Variants in KCNMB1 observed in about 807,000 individuals in gnomAD.
KCNMB1 encodes the protein potassium calcium-activated channel subfamily M regulatory beta subunit 1.
In KCNMB1, 22 loss-of-function variants were observed where a neutral mutation model predicts 21.7. The observed-to-expected ratio is 1.01, with a 90% CI of 0.72 to 1.45. The LOEUF is 1.45. Among genes scored for constraint, KCNMB1 ranks in the 40% most tolerant of loss-of-function variants. KCNMB1 has a pLI of 0.00. For synonymous variants in KCNMB1, 114 were observed against 107.6 expected, an observed-to-expected ratio of 1.06 and a Z score of -0.37; for missense variants, 243 against 243.4, an observed-to-expected ratio of 1.00 and a Z score of 0.01.
rs992561509 is a variant in KCNMB1 at position 170,379,221 on chromosome 5, T to A, written c.307-248A>T. On this transcript the variant is annotated intron_variant, in intron 3 of 3. Transcript: ENST00000274629. ...AGGCTACACACCTGGGCGCAGGTCC[T>A]ACCTTGGAGTCCTGGCTCTGCTTGG... 5.9e-5 allele frequency among the ~76,000 whole-genome samples: 9 copies of A among 152,284 alleles called. No homozygotes were observed. In the East Asian group the frequency reaches 1.7e-3, roughly 30 times the overall value.
Position 170,377,837 on chromosome 5 carries a change from G to T in KCNMB1, c.*867C>A, listed in dbSNP as rs1180753882. ...TCCACCAGCCTCGGCCTCCCAAAGT[G>T]CTGGGATTACAGGAGTGAGCCACCG... On this transcript the variant is annotated 3_prime_UTR_variant, in exon 4 of 4. Transcript: ENST00000274629. 1 of 152,278 alleles carries T rather than the reference G, an allele frequency of 6.6e-6. No homozygotes were observed. The highest frequency in any genetic ancestry group is 1.5e-5 in the Non-Finnish European group (1 of 68,146). 9.4% of individuals were successfully genotyped at this position (152,278 alleles called of 1,614,324 possible).
At chr5:170,388,024 C>CCGA (rs1554088670) in intron 1 of KCNMB1, among the ~76,000 whole-genome samples, 3 of 152,120 alleles carry the variant, frequency 2.0e-5, no homozygotes, top group African/African-American at 7.2e-5. Flanking sequence ...ATCAGCCCCC[C>CCGA]CCAGCGCCCA....
At chr5:170,384,001 T>C in intron 2 of KCNMB1, 151 bp from the exon 3 acceptor site, 1 of 737,136 alleles carries the variant, frequency 1.4e-6, no homozygotes, top group Non-Finnish European at 2.2e-6. Context: ...TAAAGGCACA[T>C]GACCCCACAG....
chr5:170,377,016 C>T lies in KCNMB1; in HGVS notation c.*1688G>A, dbSNP rs1196910736. ...TTTTATAGATGAAAAAACTAAGAAT[C>T]AAAGAGATGAAATCGGGCAGAGTAG... On this transcript the variant is annotated 3_prime_UTR_variant, in exon 4 of 4. Coordinates refer to ENST00000274629, the MANE Select transcript of KCNMB1 (RefSeq NM_004137.4). The T allele has an allele frequency of 6.6e-6, 1 of 152,162 alleles. No homozygotes were observed. Among genetic ancestry groups the T allele is most frequent in the Non-Finnish European group, 1.5e-5 (1 of 68,028 alleles). 9.4% of individuals were successfully genotyped at this position (152,162 alleles called of 1,614,324 possible).
intron 3 of KCNMB1, among the ~76,000 whole-genome samples, chr5:170,382,490 A>G (rs1314999448): frequency 6.6e-6 from 1 of 152,040 alleles, no homozygotes; most frequent in Non-Finnish European, 1.5e-5. Context: ...CATACACCCC[A>G]TCATGGGTCA....
At chr5:170,387,720 A>G (rs1176159539) in intron 1 of KCNMB1, among the ~76,000 whole-genome samples, 1 of 152,132 alleles carries the variant, frequency 6.6e-6, no homozygotes, top group Non-Finnish European at 1.5e-5. Flanking sequence ...GGAATGGGAG[A>G]GCCCATGCCT....
At position 170,375,586 on chromosome 5, in the gene KCNMB1, G is replaced by C. The variant is rs1038715579; in HGVS notation, c.*3118C>G. On this transcript the variant is annotated 3_prime_UTR_variant, in exon 4 of 4. Transcript: ENST00000274629. ...CCCTCAGCCCTTCACAGCTGGCTCT[G>C]CCCCTCAGCCCTTCACAGCTGGCTC... The C allele has an allele frequency of 1.0e-5, 1 of 96,920 alleles. No homozygotes were observed. The highest frequency in any genetic ancestry group is 4.1e-5 in the African/African-American group (1 of 24,504). 6.0% of individuals were successfully genotyped at this position (96,920 alleles called of 1,614,324 possible). A position where few individuals can be genotyped will look rare whatever the true frequency, so the allele number is the denominator to read the frequency against.
intron 2 of KCNMB1, among the ~76,000 whole-genome samples, 182 bp downstream of exon 2, chr5:170,385,132 G>A (rs1000729329): frequency 3.3e-5 from 5 of 152,172 alleles, no homozygotes; most frequent in African/African-American, 9.7e-5. Flanking sequence ...TCAGACCAGT[G>A]GGGCTCAGTT....
rs750219436 is a variant in KCNMB1 at position 170,377,001 on chromosome 5, G to A, written c.*1703C>T. On this transcript the variant is annotated 3_prime_UTR_variant, in exon 4 of 4. Coordinates refer to ENST00000274629, the MANE Select transcript of KCNMB1 (RefSeq NM_004137.4). ...CAGAAAGAGTCCTTCTTTTATAGAT[G>A]AAAAAACTAAGAATCAAAGAGATGA... 1 of 152,150 alleles carries A rather than the reference G, an allele frequency of 6.6e-6. No individual in the cohort carries two copies. The highest frequency in any genetic ancestry group is 1.5e-5 in the Non-Finnish European group (1 of 68,026). 9.4% of individuals were successfully genotyped at this position (152,150 alleles called of 1,614,324 possible).
chr5:170,388,137 G>A (rs1464554836), intron 1 of KCNMB1, among the ~76,000 whole-genome samples: 4 of 152,224 alleles, frequency 2.6e-5, no homozygotes, highest in Non-Finnish European at 5.9e-5. Flanking sequence ...AGTTTTAGGA[G>A]CTCAGAAGGA....
chr5:170,383,649 G>A (rs750489787), intron 3 of KCNMB1, 30 bp downstream of exon 3: 2 of 1,612,398 alleles, frequency 1.2e-6, no homozygotes, highest in Non-Finnish European at 1.7e-6. Context: ...AGGGATAAAG[G>A]GATGTGTCCC....
rs1286999538 is a variant in KCNMB1, at chr5:170,385,373, C to T, written c.75G>A (p.Val25=). The T allele has an allele frequency of 7.4e-6, 12 of 1,614,128 alleles. No homozygotes were observed. The highest frequency in any genetic ancestry group is 1.7e-5 in the Admixed American group (1 of 60,034). The change falls in exon 2 of 4, where the codon GTG becomes GTA. Residue 25 remains valine (V), a synonymous_variant. Transcript: ENST00000274629. ...RALCLGVTMV[V]CAVITYYILV... ...GGATGTAGTAGGTGATGACGGCACACACCACCATGGTTACACCCAGGCAAA... is the reference window on the plus strand; with the variant it reads ...GGATGTAGTAGGTGATGACGGCACATACCACCATGGTTACACCCAGGCAAA...
intron 2 of KCNMB1, among the ~76,000 whole-genome samples, chr5:170,384,461 T>C (rs1764383049): frequency 6.6e-6 from 1 of 152,140 alleles, no homozygotes; most frequent in Non-Finnish European, 1.5e-5. Context: ...CTTCACCAGA[T>C]TAAGAGTCCA....
At chr5:170,379,105 G>T (rs1175745761) in intron 3 of KCNMB1, 132 bp from the exon 4 acceptor site, 3 of 1,084,668 alleles carry the variant, frequency 2.8e-6, no homozygotes, top group Non-Finnish European at 3.9e-6. Context: ...TTGGTCTAAA[G>T]CTTGGCAGGC....
rs868632954 is a variant in KCNMB1, at chr5:170,375,895, C to T, written c.*2809G>A. The T allele has an allele frequency of 2.6e-5, 4 of 152,220 alleles. No individual in the cohort carries two copies. The highest frequency in any genetic ancestry group is 9.7e-5 in the African/African-American group (4 of 41,448). The allele number at this position is 152,220 out of a possible 1,614,324, so 9.4% of individuals were successfully genotyped here. ...AGGAAACAGGCACAGAAAGGTTATT[C>T]GTCCAAAGTCACCCAGCTTGTGAAC... On this transcript the variant is annotated 3_prime_UTR_variant, in exon 4 of 4. Coordinates refer to ENST00000274629, the MANE Select transcript of KCNMB1 (RefSeq NM_004137.4).
chr5:170,388,930 C>T (rs1272981457), intron 1 of KCNMB1, among the ~76,000 whole-genome samples: 1 of 152,182 alleles, frequency 6.6e-6, no homozygotes, highest in Non-Finnish European at 1.5e-5. Flanking sequence ...AGTCTGGACC[C>T]CTCTTGATGA....
At position 170,383,752 on chromosome 5, in the gene KCNMB1, C is replaced by T. The variant is rs778187074; in HGVS notation, c.233G>A (p.Trp78Ter). Residue 78 changes from tryptophan to a stop codon, truncating the protein, a stop_gained, in exon 3 of 4, where the codon TGG (tryptophan) becomes TAG (stop). Transcript: ENST00000274629. LOFTEE classifies it high-confidence loss of function. ...CCTGCCGGCAGCTGACACGTTGACC[C>T]ACAGGCATGGGTACTGGGGCACCTT... ...GKKVPQYPCL[W>*]VNVSAAGRWA... The T allele has an allele frequency of 3.7e-5, 60 of 1,614,100 alleles. No homozygotes were observed. Among genetic ancestry groups the T allele is most frequent in the Non-Finnish European group, 4.0e-5 (47 of 1,180,042 alleles).
chr5:170,386,082 G>C (rs557868940), intron 1 of KCNMB1, among the ~76,000 whole-genome samples: 1 of 150,276 alleles, frequency 6.7e-6, no homozygotes, highest in Non-Finnish European at 1.5e-5. Context: ...GCAGAGATGC[G>C]CCACTGCACT....
At position 170,375,057 on chromosome 5, in the gene KCNMB1, T is replaced by C. The variant is rs1031051202; in HGVS notation, c.*3647A>G. On this transcript the variant is annotated 3_prime_UTR_variant, in exon 4 of 4. Transcript: ENST00000274629. ...AGGTGCATGGAAACCATTGACAAAATAGACCCTTTAAATCAGACTCCAAGT... is the reference window on the plus strand; with the variant it reads ...AGGTGCATGGAAACCATTGACAAAACAGACCCTTTAAATCAGACTCCAAGT... 6.6e-6 allele frequency: 1 copy of C among 152,190 alleles called. No homozygotes were observed. The highest frequency in any genetic ancestry group is 2.4e-5 in the African/African-American group (1 of 41,440). The allele number at this position is 152,190 out of a possible 1,614,324, so 9.4% of individuals were successfully genotyped here. A position where few individuals can be genotyped will look rare whatever the true frequency, so the allele number is the denominator to read the frequency against.
Sources: gnomAD v4.1 joint callset for allele counts (sites outside exome capture counted in the v4.1 genomes callset) on GRCh38, gnomAD v4.1.1 for gene constraint, MANE v1.5 for transcripts, NCBI Gene and HGNC (gene_info 2026-07-23, HGNC 2026-07-21) for gene names.